STAU2: variants seen among roughly 807,000 people sequenced by gnomAD.
STAU2 encodes the protein staufen double-stranded RNA binding protein 2.
In STAU2, 20 loss-of-function variants were observed where a neutral mutation model predicts 65.9. That is an observed-to-expected ratio of 0.30 (90% CI 0.21 to 0.44). The LOEUF is 0.44. Among genes scored for constraint, STAU2 ranks in the 20% least tolerant of loss-of-function variants. The pLI is 1.00. For missense variants in STAU2, 558 were observed against 683.9 expected (o/e 0.82, Z 2.05); for synonymous variants, 232 against 233.9 (o/e 0.99, Z 0.07).
Position 73,421,240 on chromosome 8 carries a change from T to A in STAU2, c.*132A>T. 1 of 738,370 alleles carries A rather than the reference T, an allele frequency of 1.4e-6. No individual in the cohort carries two copies. The highest frequency in any genetic ancestry group is 2.2e-6 in the Non-Finnish European group (1 of 446,678). 45.7% of individuals were successfully genotyped at this position (738,370 alleles called of 1,614,324 possible). Reference sequence around the variant, plus strand: ...ACAGTACCATGTATATTATCTCTCGTGTTAGAATAGTGTTGTCTTCACATA... The same window carrying A: ...ACAGTACCATGTATATTATCTCTCGAGTTAGAATAGTGTTGTCTTCACATA... On this transcript the variant is annotated 3_prime_UTR_variant, in exon 15 of 15. Transcript: ENST00000524300.
intron 13 of STAU2, among the ~76,000 whole-genome samples, chr8:73,484,158 C>G (rs1406242956): frequency 6.6e-6 from 1 of 152,064 alleles, no homozygotes; most frequent in Non-Finnish European, 1.5e-5. Context: ...CAGTAGGTCC[C>G]CTTGGATATT....
At chr8:73,627,806 G>C (rs1255891890) in intron 6 of STAU2, among the ~76,000 whole-genome samples, 2 of 149,424 alleles carry the variant, frequency 1.3e-5, no homozygotes, top group Non-Finnish European at 3.0e-5. Context: ...ATATTTTTAG[G>C]TTTAGAATAA....
intron 13 of STAU2, among the ~76,000 whole-genome samples, chr8:73,438,313 C>A (rs1461898678): frequency 1.3e-5 from 2 of 152,194 alleles, no homozygotes; most frequent in African/African-American, 4.8e-5. Flanking sequence ...TGTGTCCCAG[C>A]AGGGAGACAG....
At chr8:73,611,414 A>C (rs954675058) in intron 9 of STAU2, among the ~76,000 whole-genome samples, 1 of 152,118 alleles carries the variant, frequency 6.6e-6, no homozygotes, top group East Asian at 1.9e-4. Flanking sequence ...GGAGTTCCTA[A>C]AAAAGTCAAG....
intron 6 of STAU2, among the ~76,000 whole-genome samples, chr8:73,654,667 CTT>C (rs1305290909): frequency 2.4e-5 from 1 of 41,474 alleles, no homozygotes; most frequent in African/African-American, 6.6e-5. Context: ...AAAAAGAACT[CTT>C]TTAATTATCA....
intron 4 of STAU2, among the ~76,000 whole-genome samples, chr8:73,694,124 T>C (rs1819541603): frequency 6.6e-6 from 1 of 152,132 alleles, no homozygotes; most frequent in Non-Finnish European, 1.5e-5. Context: ...TTCATATGAA[T>C]AAAGAAAGCA....
At chr8:73,442,078 G>C (rs190103849) in intron 13 of STAU2, among the ~76,000 whole-genome samples, 1 of 152,266 alleles carries the variant, frequency 6.6e-6, no homozygotes, top group East Asian at 1.9e-4. Flanking sequence ...ATTTAGGCCA[G>C]GCGCAGTGGC....
At chr8:73,746,671 T>C in intron 1 of STAU2, 112 bp downstream of exon 1, 1 of 625,528 alleles carries the variant, frequency 1.6e-6, no homozygotes, top group Non-Finnish European at 2.3e-6. Flanking sequence ...GGGGCTGCTT[T>C]TCTCCGGGTT....
intron 6 of STAU2, among the ~76,000 whole-genome samples, chr8:73,633,842 G>A (rs528109451): frequency 1.1e-4 from 16 of 152,128 alleles, no homozygotes; most frequent in South Asian, 4.2e-4. Context: ...TTAGCCAGGC[G>A]TGGTGGTGGG....
chr8:73,494,369 G>C (rs12235045), intron 13 of STAU2, among the ~76,000 whole-genome samples: 24,759 of 151,458 alleles, frequency 0.16, 2,502 homozygotes, highest in East Asian at 0.5. Context: ...TAGGTATGTG[G>C]GTATTCACTA....
At chr8:73,717,965 T>C (rs1172879858) in intron 3 of STAU2, among the ~76,000 whole-genome samples, 1 of 152,120 alleles carries the variant, frequency 6.6e-6, no homozygotes, top group Non-Finnish European at 1.5e-5. Context: ...TTGGTGAAAA[T>C]CAACATTTTA....
chr8:73,553,546 T>C (rs1252034779), intron 12 of STAU2, among the ~76,000 whole-genome samples: 1 of 152,174 alleles, frequency 6.6e-6, no homozygotes, highest in Non-Finnish European at 1.5e-5. Flanking sequence ...TCTATTCGAC[T>C]TGGTTTAACT....
At chr8:73,539,765 C>T (rs1436447574) in intron 13 of STAU2, among the ~76,000 whole-genome samples, 1 of 151,718 alleles carries the variant, frequency 6.6e-6, no homozygotes, top group Non-Finnish European at 1.5e-5. Flanking sequence ...ATCGCTTGAA[C>T]CTGGGAGGCG....
chr8:73,533,081 C>T (rs560078649), intron 13 of STAU2, among the ~76,000 whole-genome samples: 3 of 152,154 alleles, frequency 2.0e-5, no homozygotes, highest in Admixed American at 6.6e-5. Flanking sequence ...CACTCATTGG[C>T]TTAGAATAAA....
chr8:73,554,416 A>C (rs117643603), intron 12 of STAU2, among the ~76,000 whole-genome samples: 5,382 of 152,342 alleles, frequency 0.035, 270 homozygotes, highest in Admixed American at 0.13. Context: ...GCCAGACAGA[A>C]GCCAGTCCTC....
At chr8:73,427,451 T>C (rs1392451470) in intron 13 of STAU2, among the ~76,000 whole-genome samples, 2 of 152,222 alleles carry the variant, frequency 1.3e-5, no homozygotes, top group Non-Finnish European at 2.9e-5. Flanking sequence ...TCTGAAGTTT[T>C]GCTGTTTTCA....
At chr8:73,460,443 T>C (rs1819296523) in intron 13 of STAU2, among the ~76,000 whole-genome samples, 1 of 152,150 alleles carries the variant, frequency 6.6e-6, no homozygotes, top group Admixed American at 6.5e-5. Context: ...TTTGAACAAG[T>C]TTAAACACAT....
intron 12 of STAU2, among the ~76,000 whole-genome samples, chr8:73,572,824 T>G (rs529169591): frequency 6.6e-6 from 1 of 152,324 alleles, no homozygotes; most frequent in South Asian, 2.1e-4. Flanking sequence ...AGCATTCCCT[T>G]TGAAAACTGG....
intron 6 of STAU2, among the ~76,000 whole-genome samples, chr8:73,647,113 C>A (rs1319875003): frequency 6.6e-6 from 1 of 152,150 alleles, no homozygotes; most frequent in Admixed American, 6.6e-5. Flanking sequence ...AACTGAATCT[C>A]TCATACATTC....
Sources: gnomAD v4.1 joint callset for allele counts (sites outside exome capture counted in the v4.1 genomes callset) on GRCh38, gnomAD v4.1.1 for gene constraint, MANE v1.5 for transcripts, NCBI Gene and HGNC (gene_info 2026-07-23, HGNC 2026-07-21) for gene names.